Variants in ZNF221 observed in about 807,000 individuals in gnomAD.
ZNF221 encodes the protein zinc finger protein 221.
In ZNF221, 10 loss-of-function variants were observed where a neutral mutation model predicts 12.6. The observed-to-expected ratio is 0.79, with a 90% CI of 0.49 to 1.34. The LOEUF (loss-of-function observed/expected upper bound fraction) is 1.34, where lower values mean the gene tolerates loss of function less well. Ranked by LOEUF, ZNF221 falls within the 40% of genes most tolerant of loss-of-function variation. The pLI, the probability that ZNF221 is intolerant of heterozygous loss-of-function variation, is 0.00. For synonymous variants in ZNF221, 232 were observed against 244.0 expected (o/e 0.95, Z 0.46); for missense variants, 661 against 721.4 (o/e 0.92, Z 0.96).
chr19:43,981,060 T>C, the ZNF221 span, among the ~76,000 whole-genome samples: 3 of 151,454 alleles, frequency 2.0e-5, no homozygotes, highest in Non-Finnish European at 2.9e-5. Context: ...CTTGGCAACA[T>C]AGCAAGACCT....
the ZNF221 span, among the ~76,000 whole-genome samples, chr19:43,979,911 G>C: frequency 8.3e-3 from 1,256 of 152,224 alleles, 4 homozygotes; most frequent in Non-Finnish European, 0.013. Flanking sequence ...ATAGGGCATT[G>C]GTTGTTAAAG....
chr19:43,964,970 T>A lies in ZNF221; in HGVS notation c.102T>A (p.Asp34Glu), dbSNP rs764214560. ...TTTAGGAGGCAGTGACATTCAAGGA[T>A]GTGGCTGTGGTCTTCACTGAGGAGG... ...TTFKEAVTFK[D>E]VAVVFTEEEL... Residue 34 changes from aspartate to glutamate, a missense_variant, in exon 3 of 5, where the codon GAT (aspartate) becomes GAA (glutamate). Asp to Glu is a conservative substitution (Grantham distance 45). Coordinates refer to ENST00000587682, the MANE Select transcript of ZNF221 (RefSeq NM_001297588.2). The A allele has an allele frequency of 2.5e-6, 4 of 1,614,188 alleles. No individual in the cohort carries two copies. In the South Asian group the frequency reaches 3.3e-5, roughly 13 times the overall value.
At chr19:43,969,851 C>G (rs1975059176), downstream of ZNF221, among the ~76,000 whole-genome samples, 1 of 152,178 alleles carries the variant, frequency 6.6e-6, no homozygotes. Context: ...TTTGGAGAGT[C>G]TGGGCAATCT....
rs1366247460 is a variant in ZNF221, at chr19:43,962,721, C to A, written c.-2-4C>A. The A allele has an allele frequency of 1.2e-6, 2 of 1,613,786 alleles. No individual in the cohort carries two copies. Among genetic ancestry groups the A allele is most frequent in the Non-Finnish European group, 1.7e-6 (2 of 1,179,876 alleles). Reference sequence around the variant, plus strand: ...GTTTTTCTGCCTTTCCTGGCACTTTCCAGGCATGATTTCACCTTCACTTGA... The same window carrying A: ...GTTTTTCTGCCTTTCCTGGCACTTTACAGGCATGATTTCACCTTCACTTGA... On this transcript the variant is annotated splice_region_variant and splice_polypyrimidine_tract_variant and intron_variant, in intron 1 of 4. Transcript: ENST00000587682.
At position 43,966,839 on chromosome 19, in the gene ZNF221, G is replaced by A. The variant is rs1432411523; in HGVS notation, c.1337G>A (p.Gly446Glu). The part of the protein sequence containing the change: ...RRSSHQRSHN[G>E]EKPYNCEECG... Reference sequence around the variant, plus strand: ...TCTTCCCATCAGAGATCCCACAATGGAGAAAAGCCATATAACTGTGAGGAG... The same window carrying A: ...TCTTCCCATCAGAGATCCCACAATGAAGAAAAGCCATATAACTGTGAGGAG... The change falls in exon 5 of 5, where the codon GGA becomes GAA. Residue 446 changes from glycine (G) to glutamate (E), a missense_variant. By Grantham distance (98) the Gly-to-Glu change is moderately conservative. Transcript: ENST00000587682. 1.2e-6 allele frequency: 2 copies of A among 1,614,082 alleles called. No individual in the cohort carries two copies. The highest frequency in any genetic ancestry group is 1.7e-6 in the Non-Finnish European group (2 of 1,180,058).
chr19:43,958,256 T>G (rs1056056200), intron 1 of ZNF221, among the ~76,000 whole-genome samples: 1 of 152,228 alleles, frequency 6.6e-6, no homozygotes, highest in African/African-American at 2.4e-5. Context: ...TTGAGTTTTC[T>G]TTTTACAAAA....
At position 43,966,658 on chromosome 19, in the gene ZNF221, A is replaced by G. The variant is rs774268664; in HGVS notation, c.1156A>G (p.Met386Val). 1.2e-6 allele frequency: 2 copies of G among 1,614,132 alleles called. No homozygotes were observed. Among genetic ancestry groups the G allele is most frequent in the East Asian group, 2.2e-5 (1 of 44,896 alleles). The change falls in exon 5 of 5, where the codon ATG becomes GTG. Residue 386 changes from methionine to valine, a missense_variant. Transcript: ENST00000587682. The part of the protein sequence containing the change: ...ICRRDFCKHQ[M>V]VHTGEKPYNC... ...TAGGCGAGATTTTTGTAAGCATCAG[A>G]TGGTCCACACAGGAGAGAAACCATA...
At chr19:43,956,519 T>G (rs1276596913) in intron 1 of ZNF221, among the ~76,000 whole-genome samples, 8 of 149,270 alleles carry the variant, frequency 5.4e-5, no homozygotes, top group Non-Finnish European at 3.0e-5. Flanking sequence ...TCCTCTCTTA[T>G]GCGAAACACT....
chr19:43,951,801 T>A (rs947495643), intron 1 of ZNF221, among the ~76,000 whole-genome samples: 1 of 149,604 alleles, frequency 6.7e-6, no homozygotes, highest in Non-Finnish European at 1.5e-5. Context: ...CTGGCTCTTC[T>A]CTCTGATCCC....
the ZNF221 span, among the ~76,000 whole-genome samples, chr19:43,976,030 G>A: frequency 6.6e-6 from 1 of 152,000 alleles, no homozygotes; most frequent in Non-Finnish European, 1.5e-5. Context: ...ACAATTTTAA[G>A]GCAGGATTCA....
At chr19:43,979,437 AT>A in the ZNF221 span, among the ~76,000 whole-genome samples, 6 of 151,402 alleles carry the variant, frequency 4.0e-5, no homozygotes, top group African/African-American at 1.2e-4. Context: ...ATATATATAT[AT>A]ATATATGGAA....
chr19:43,965,982 A>G lies in ZNF221; in HGVS notation c.480A>G (p.Leu160=), dbSNP rs1323477913. The G allele has an allele frequency of 6.2e-7, 1 of 1,614,244 alleles. No individual in the cohort carries two copies. The change falls in exon 5 of 5, where the codon CTA becomes CTG. Residue 160 remains leucine (L), a synonymous_variant. Coordinates refer to ENST00000587682, the MANE Select transcript of ZNF221 (RefSeq NM_001297588.2). ...TCCCCTGCCAGATTGAGGCAAGACT[A>G]TCTATAAGTCACGTGCAACAGAAAC... ...GDVPCQIEAR[L]SISHVQQKPY...
the ZNF221 span, among the ~76,000 whole-genome samples, chr19:43,981,597 T>G: frequency 3.2e-4 from 49 of 152,312 alleles, no homozygotes; most frequent in South Asian, 9.9e-3. Flanking sequence ...AAAAATAAAT[T>G]ACTCCATATG....
chr19:43,962,679 G>C, intron 1 of ZNF221, 46 bp from the exon 2 acceptor site: 3 of 1,567,058 alleles, frequency 1.9e-6, no homozygotes, highest in Non-Finnish European at 2.6e-6. Flanking sequence ...GGCATTCCTA[G>C]TTACCATTTC....
chr19:43,957,522 G>A (rs189505131), intron 1 of ZNF221, among the ~76,000 whole-genome samples: 79 of 152,236 alleles, frequency 5.2e-4, no homozygotes, highest in Admixed American at 5.2e-3. Flanking sequence ...GCAGCTTTAG[G>A]CTAAACTTAA....
intron 1 of ZNF221, among the ~76,000 whole-genome samples, chr19:43,956,137 A>T (rs943159448): frequency 6.6e-6 from 1 of 152,212 alleles, no homozygotes; most frequent in African/African-American, 2.4e-5. Flanking sequence ...GGCTTCTGTC[A>T]TAAGCCCCAG....
rs1434039571 is a variant in ZNF221 at position 43,967,166 on chromosome 19, T to C, written c.1664T>C (p.Val555Ala). 6.3e-7 allele frequency: 1 copy of C among 1,591,078 alleles called. No individual in the cohort carries two copies. The highest frequency in any genetic ancestry group is 8.6e-7 in the Non-Finnish European group (1 of 1,165,006). Residue 555 changes from valine (V) to alanine (A), a missense_variant, in exon 5 of 5, where the codon GTC becomes GCC. Coordinates refer to ENST00000587682, the MANE Select transcript of ZNF221 (RefSeq NM_001297588.2). Reference sequence around the variant, plus strand: ...TTTAATCTTGACATGCACCAGAGGGTCCACGGGGGAGAGCGACCCTATAAT... The same window carrying C: ...TTTAATCTTGACATGCACCAGAGGGCCCACGGGGGAGAGCGACCCTATAAT... ...SKFNLDMHQR[V>A]HGGERPYNCK...
Position 43,962,750 on chromosome 19 carries a change from G to T in ZNF221, c.24G>T (p.Leu8=), listed in dbSNP as rs1298127277. The T allele has an allele frequency of 1.2e-6, 2 of 1,613,926 alleles. No individual in the cohort carries two copies. Among genetic ancestry groups the T allele is most frequent in the South Asian group, 2.2e-5 (2 of 91,072 alleles). The change falls in exon 2 of 5, where the codon CTG becomes CTT. Residue 8 remains leucine, a synonymous_variant. Transcript: ENST00000587682. ...GCATGATTTCACCTTCACTTGAACT[G>T]CTTCATTCAGGACTCTGCAAATTCC... The part of the protein sequence containing the change: MISPSLE[L]LHSGLCKFPE...
downstream of ZNF221, among the ~76,000 whole-genome samples, chr19:43,970,106 T>G (rs1975064909): frequency 1.3e-5 from 2 of 152,092 alleles, no homozygotes; most frequent in East Asian, 3.9e-4. Context: ...TGGTGACACC[T>G]CCAGGTACGG....
Sources: gnomAD v4.1 joint callset for allele counts (sites outside exome capture counted in the v4.1 genomes callset) on GRCh38, gnomAD v4.1.1 for gene constraint, MANE v1.5 for transcripts, NCBI Gene and HGNC (gene_info 2026-07-23, HGNC 2026-07-21) for gene names.